TAF4B: variants seen among roughly 807,000 people sequenced by gnomAD.
The protein encoded by TAF4B is transcription initiation factor TFIID subunit 4B.
A neutral mutation model predicts 86.4 loss-of-function variants in TAF4B; 38 were observed. The ratio of observed to expected loss-of-function variants is 0.44; its 90% CI spans 0.34 to 0.58. The LOEUF is 0.58. Ranked by LOEUF, TAF4B falls within the 20% of genes least tolerant of loss-of-function variation. The pLI, the probability that TAF4B is intolerant of heterozygous loss-of-function variation, is 0.02. For synonymous variants in TAF4B, 388 were observed against 391.2 expected (o/e 0.99, Z 0.10); for missense variants, 988 against 1,027.6 (o/e 0.96, Z 0.53).
chr18:26,267,460 T>C, intron 2 of TAF4B, 56 bp from the exon 3 acceptor site: 1 of 1,186,772 alleles, frequency 8.4e-7, no homozygotes. Context: ...GCAGTACTGA[T>C]CTTAAATTAC....
intron 13 of TAF4B, among the ~76,000 whole-genome samples, chr18:26,355,094 A>C (rs1396010895): frequency 6.6e-6 from 1 of 152,210 alleles, no homozygotes; most frequent in Non-Finnish European, 1.5e-5. Flanking sequence ...TAGTGTAGAA[A>C]TACCTGTATG....
At position 26,274,742 on chromosome 18, in the gene TAF4B, G is replaced by A. The variant is rs755526347; in HGVS notation, c.677G>A (p.Ser226Asn). The A allele has an allele frequency of 6.2e-7, 1 of 1,614,186 alleles. No homozygotes were observed. Among genetic ancestry groups the A allele is most frequent in the South Asian group, 1.1e-5 (1 of 91,086 alleles). The part of the protein sequence containing the change: ...LNTVTTLKPS[S>N]LGASSTPSNE... ...ACTGTAACTACCCTGAAGCCTTCAA[G>A]TTTGGGAGCATCATCCACTCCTTCA... Residue 226 changes from serine (S) to asparagine (N), a missense_variant, in exon 4 of 15, where the codon AGT becomes AAT. Coordinates refer to ENST00000269142, the MANE Select transcript of TAF4B (RefSeq NM_005640.3).
Position 26,226,949 on chromosome 18 carries a change from A to T in TAF4B, c.16A>T (p.Thr6Ser). MPAGL[T>S]EPAGAAPPAA... ...CCCCTGGGGGATGCCCGCCGGCCTC[A>T]CCGAACCCGCCGGCGCCGCTCCCCC... Residue 6 changes from threonine to serine, a missense_variant, in exon 1 of 15, where the codon ACC (threonine) becomes TCC (serine). This residue lies in a region of TAF4B where 747 missense variants were observed against 737.9 expected (regional missense o/e 1.01). Coordinates refer to ENST00000269142, the MANE Select transcript of TAF4B (RefSeq NM_005640.3). 7.3e-7 allele frequency: 1 copy of T among 1,378,334 alleles called. No homozygotes were observed. Among genetic ancestry groups the T allele is most frequent in the Non-Finnish European group, 9.3e-7 (1 of 1,075,962 alleles). The allele number at this position is 1,378,334 out of a possible 1,614,324, so 85.4% of individuals were successfully genotyped here.
At chr18:26,272,858 A>T (rs1029036040) in intron 3 of TAF4B, among the ~76,000 whole-genome samples, 3 of 151,272 alleles carry the variant, frequency 2.0e-5, no homozygotes, top group Non-Finnish European at 2.9e-5. Flanking sequence ...TATGAAAAGG[A>T]GGGAGACTTC....
At chr18:26,388,466 TG>T (rs560167344) in intron 14 of TAF4B, among the ~76,000 whole-genome samples, 181 of 152,362 alleles carry the variant, frequency 1.2e-3, no homozygotes, top group Non-Finnish European at 2.2e-3. Context: ...CCATAGTCCT[TG>T]TCCTCAGAAA....
At chr18:26,317,512 G>T (rs1485295293) in intron 10 of TAF4B, among the ~76,000 whole-genome samples, 1 of 152,184 alleles carries the variant, frequency 6.6e-6, no homozygotes, top group Non-Finnish European at 1.5e-5. Flanking sequence ...CAATTCGGCT[G>T]TCATAGTACA....
intron 9 of TAF4B, among the ~76,000 whole-genome samples, chr18:26,302,613 G>A (rs973582797): frequency 2.6e-4 from 39 of 151,930 alleles, no homozygotes; most frequent in Middle Eastern, 3.4e-3. Flanking sequence ...TCCTCCTGCC[G>A]CATCCTCCCA....
intron 12 of TAF4B, among the ~76,000 whole-genome samples, chr18:26,333,071 C>T (rs1361339181): frequency 6.6e-6 from 1 of 151,748 alleles, no homozygotes; most frequent in Non-Finnish European, 1.5e-5. Context: ...TAGATATCTA[C>T]TCAAATATCA....
intron 1 of TAF4B, among the ~76,000 whole-genome samples, chr18:26,255,271 C>CT (rs953021370): frequency 4.6e-5 from 7 of 151,916 alleles, no homozygotes; most frequent in South Asian, 2.1e-4. Context: ...ATGTACAACT[C>CT]TTTTTTTAGT....
At chr18:26,275,265 C>T (rs760382257) in intron 5 of TAF4B, among the ~76,000 whole-genome samples, 1 of 152,160 alleles carries the variant, frequency 6.6e-6, no homozygotes, top group Non-Finnish European at 1.5e-5. Context: ...AAATGATTCT[C>T]CTGCCTCAGC....
intron 9 of TAF4B, among the ~76,000 whole-genome samples, chr18:26,309,850 A>G (rs915222877): frequency 6.6e-6 from 1 of 151,962 alleles, no homozygotes; most frequent in South Asian, 2.1e-4. Flanking sequence ...TATTTTTGAG[A>G]TGAAGTCTCA....
rs983613254 is a variant in TAF4B at position 26,260,223 on chromosome 18, C to T, written c.344-4947C>T. Among the ~76,000 whole-genome samples the T allele has an allele frequency of 3.6e-4, 55 of 152,240 alleles. 1 individual carries two copies. Among genetic ancestry groups the T allele is most frequent in the African/African-American group, 1.1e-3 (44 of 41,544 alleles). ...TAGATTGCAAAAATTTTCTCCCATT[C>T]TGTAGGTTGCCTGTTCACTCTGATG... is the stretch of plus-strand genomic sequence containing the variant. On this transcript the variant is annotated intron_variant, in intron 1 of 14. Transcript: ENST00000269142.
At chr18:26,329,233 T>C in intron 12 of TAF4B, among the ~76,000 whole-genome samples, 1 of 151,976 alleles carries the variant, frequency 6.6e-6, no homozygotes, top group Middle Eastern at 3.2e-3. Context: ...AAATTTTGAT[T>C]TTTTGTAGAG....
intron 11 of TAF4B, 80 bp downstream of exon 11, chr18:26,321,280 G>A (rs1013325493): frequency 4.2e-6 from 6 of 1,445,726 alleles, no homozygotes; most frequent in Non-Finnish European, 5.7e-6. Context: ...TTCTAAACAC[G>A]TTTTTAAAGG....
chr18:26,271,796 G>T (rs2056322080), intron 3 of TAF4B, among the ~76,000 whole-genome samples: 1 of 151,768 alleles, frequency 6.6e-6, no homozygotes, highest in South Asian at 2.1e-4. Context: ...GTGTGGTGGG[G>T]GGCGGCTCTC....
At chr18:26,369,436 ACT>A (rs1430741422) in intron 14 of TAF4B, among the ~76,000 whole-genome samples, 1 of 152,216 alleles carries the variant, frequency 6.6e-6, no homozygotes, top group African/African-American at 2.4e-5. Context: ...GGTGTGCTGG[ACT>A]TGTATTGTGT....
chr18:26,238,586 A>T (rs917275007), intron 1 of TAF4B, among the ~76,000 whole-genome samples: 2 of 151,984 alleles, frequency 1.3e-5, no homozygotes, highest in Non-Finnish European at 2.9e-5. Flanking sequence ...ACTAATATTT[A>T]TACCTTTTTT....
At chr18:26,281,344 G>C (rs946688158) in intron 5 of TAF4B, among the ~76,000 whole-genome samples, 1 of 152,010 alleles carries the variant, frequency 6.6e-6, no homozygotes, top group Non-Finnish European at 1.5e-5. Flanking sequence ...GAAAAAACCA[G>C]ATGTTCTCTG....
intron 9 of TAF4B, among the ~76,000 whole-genome samples, chr18:26,300,306 A>C (rs1245583406): frequency 6.0e-5 from 7 of 116,334 alleles, no homozygotes; most frequent in Non-Finnish European, 8.8e-5. Context: ...TAATGTAGGC[A>C]TTTATTATTA....
Sources: allele counts gnomAD v4.1 joint callset (sites outside exome capture counted in the v4.1 genomes callset), GRCh38; gene constraint gnomAD v4.1.1; regional missense constraint gnomAD v4.1.1; transcripts MANE v1.5; gene names NCBI Gene and HGNC (gene_info 2026-07-23, HGNC 2026-07-21).